The following DPCD variants were observed in gnomAD, a reference collection of about 807,000 sequenced individuals.
The protein encoded by DPCD is protein DPCD.
Under a neutral mutation model 26.4 loss-of-function variants are expected in DPCD, and 20 were observed. The ratio of observed to expected loss-of-function variants is 0.76; its 90% CI spans 0.53 to 1.10. DPCD has a LOEUF of 1.10. Among genes scored for constraint, DPCD ranks in the 50% least tolerant of loss-of-function variants. The probability of loss-of-function intolerance (pLI) is 0.00; values close to 1 mark genes in which losing one functional copy is unlikely to be tolerated. For missense variants in DPCD, 202 were observed against 253.9 expected, an observed-to-expected ratio of 0.80 and a Z score of 1.39; for synonymous variants, 97 against 94.2, an observed-to-expected ratio of 1.03 and a Z score of -0.17.
Position 101,600,803 on chromosome 10 carries a change from C to G in DPCD, c.211C>G (p.Pro71Ala), listed in dbSNP as rs143867323. ...MGQWQLEVGDPAPLGAGNLGP... is the reference protein window; with the variant it reads ...MGQWQLEVGDAAPLGAGNLGP... ...CCAGTGGCAGCTTGAAGTAGGAGACCCAGCGCCCCTAGGAGCAGGGAACCT... is the reference window on the plus strand; with the variant it reads ...CCAGTGGCAGCTTGAAGTAGGAGACGCAGCGCCCCTAGGAGCAGGGAACCT... Residue 71 changes from proline (P) to alanine (A), a missense_variant, in exon 3 of 6, where the codon CCA becomes GCA. Transcript: ENST00000370151. This position sits in a 1 kb window ranked among gnomAD's most constrained non-coding sequence, Gnocchi z 4.7. 807 of 1,613,862 alleles carry G rather than the reference C, an allele frequency of 5.0e-4. 5 individuals carry two copies. In the African/African-American group the frequency reaches 8.9e-3, roughly 18 times the overall value.
intron 5 of DPCD, 34 bp from the exon 6 acceptor site, chr10:101,609,331 ACT>A: frequency 6.2e-7 from 1 of 1,606,120 alleles, no homozygotes; most frequent in Non-Finnish European, 8.5e-7. Flanking sequence ...TGGGACAGTG[ACT>A]GAATTATTTT....
At chr10:101,594,812 CT>C in intron 2 of DPCD, 74 bp downstream of exon 2, 1 of 1,424,402 alleles carries the variant, frequency 7.0e-7, no homozygotes, top group Non-Finnish European at 9.9e-7. Context: ...CACTCCTAGC[CT>C]TAGGCTTGAG....
chr10:101,597,406 C>T (rs539241212), intron 2 of DPCD, among the ~76,000 whole-genome samples: 5 of 152,196 alleles, frequency 3.3e-5, no homozygotes, highest in Non-Finnish European at 7.3e-5. Flanking sequence ...CCAGTTGAAG[C>T]TGCAGGGAAC....
At chr10:101,602,875 G>A (rs2063707637) in intron 4 of DPCD, among the ~76,000 whole-genome samples, 1 of 152,220 alleles carries the variant, frequency 6.6e-6, no homozygotes, top group Non-Finnish European at 1.5e-5. Context: ...TGATTACCAG[G>A]GAGTGAGGAA....
At chr10:101,599,266 A>G (rs765707617) in intron 2 of DPCD, among the ~76,000 whole-genome samples, 2 of 152,204 alleles carry the variant, frequency 1.3e-5, no homozygotes, top group African/African-American at 2.4e-5. Context: ...TGAGTTTGCA[A>G]CTGTGTCAGA....
Position 101,600,548 on chromosome 10 carries a change from T to C in DPCD, c.146-190T>C, listed in dbSNP as rs2063686001. On this transcript the variant is annotated intron_variant, in intron 2 of 5. Transcript: ENST00000370151. The surrounding 1 kb of genome is among the most constrained non-coding windows in gnomAD (Gnocchi z 4.7). Reference sequence around the variant, plus strand: ...GTTGTCTAATGTTGAAATGCTCTACTGAAATTTCAGAAGTTGTGAGGTCCC... The same window carrying C: ...GTTGTCTAATGTTGAAATGCTCTACCGAAATTTCAGAAGTTGTGAGGTCCC... Among the ~76,000 whole-genome samples the C allele has an allele frequency of 6.6e-6, 1 of 152,204 alleles. No individual in the cohort carries two copies. The highest frequency in any genetic ancestry group is 2.1e-4 in the South Asian group (1 of 4,838).
intron 4 of DPCD, chr10:101,605,339 G>A: frequency 7.1e-7 from 1 of 1,400,620 alleles, no homozygotes; most frequent in Non-Finnish European, 9.5e-7. Flanking sequence ...GGATTGGGGA[G>A]GGGATACAGT....
intron 2 of DPCD, among the ~76,000 whole-genome samples, chr10:101,596,282 A>G (rs1442821480): frequency 2.0e-5 from 3 of 152,190 alleles, no homozygotes; most frequent in African/African-American, 7.2e-5. Context: ...AAGTTGACCT[A>G]ATAATGATAT....
At chr10:101,599,422 T>C (rs2063676113) in intron 2 of DPCD, among the ~76,000 whole-genome samples, 1 of 152,262 alleles carries the variant, frequency 6.6e-6, no homozygotes, top group Non-Finnish European at 1.5e-5. Flanking sequence ...AGTTTTACTC[T>C]TCCTTATTAA....
At chr10:101,594,777 T>G in intron 2 of DPCD, 39 bp downstream of exon 2, 1 of 1,590,434 alleles carries the variant, frequency 6.3e-7, no homozygotes, top group Non-Finnish European at 8.6e-7. Flanking sequence ...TTAGTAATAC[T>G]TGGGGCTGAC....
Position 101,609,523 on chromosome 10 carries a change from G to A in DPCD, c.*52G>A. The A allele has an allele frequency of 6.4e-7, 1 of 1,556,658 alleles. No individual in the cohort carries two copies. Among genetic ancestry groups the A allele is most frequent in the East Asian group, 2.3e-5 (1 of 44,292 alleles). On this transcript the variant is annotated 3_prime_UTR_variant, in exon 6 of 6. Transcript: ENST00000370151. ...CACAGGGGGTGCCGTGAGACTTCAA[G>A]GCTTGGCCCTTCTTGACCACGGCAG...
chr10:101,607,734 G>T (rs1023436027), intron 4 of DPCD, among the ~76,000 whole-genome samples: 14 of 152,128 alleles, frequency 9.2e-5, no homozygotes, highest in Non-Finnish European at 1.8e-4. Flanking sequence ...GAGTTTGTTT[G>T]TACCTGCCTG....
chr10:101,597,225 C>G (rs2063659738), intron 2 of DPCD, among the ~76,000 whole-genome samples: 1 of 152,208 alleles, frequency 6.6e-6, no homozygotes, highest in Admixed American at 6.5e-5. Context: ...GCCTAACCAC[C>G]CCAGGCTGCA....
intron 1 of DPCD, among the ~76,000 whole-genome samples, chr10:101,590,063 GAAA>G (rs34473619): frequency 5.1e-5 from 6 of 117,272 alleles, no homozygotes; most frequent in Non-Finnish European, 7.1e-5. Context: ...AAAAAAACTG[GAAA>G]AAAAAAAAAA....
Position 101,600,826 on chromosome 10 carries a change from C to T in DPCD, c.234C>T (p.Asn78=), listed in dbSNP as rs1011956971. The T allele has an allele frequency of 6.8e-6, 11 of 1,613,858 alleles. No homozygotes were observed. Among genetic ancestry groups the T allele is most frequent in the African/African-American group, 1.3e-5 (1 of 74,882 alleles). ...VGDPAPLGAG[N]LGPELIKESN... ...ACCCAGCGCCCCTAGGAGCAGGGAA[C>T]CTGGGGCCTGAACTCATCAAGGAAA... is the stretch of plus-strand genomic sequence containing the variant. The change falls in exon 3 of 6, where the codon AAC becomes AAT. Residue 78 remains asparagine (N), a synonymous_variant. Transcript: ENST00000370151. The surrounding 1 kb of genome is among the most constrained non-coding windows in gnomAD (Gnocchi z 4.7).
At chr10:101,605,157 T>C (rs2063725022) in intron 4 of DPCD, 2 of 1,550,418 alleles carry the variant, frequency 1.3e-6, no homozygotes. Context: ...GGTTGGAGGC[T>C]TCTCTGGACC....
At chr10:101,590,582 CTTT>C (rs763711189) in intron 1 of DPCD, among the ~76,000 whole-genome samples, 17 of 121,526 alleles carry the variant, frequency 1.4e-4, no homozygotes, top group South Asian at 2.7e-4. Flanking sequence ...AACGGAAATT[CTTT>C]TTTTTTTTTT....
intron 1 of DPCD, 30 bp downstream of exon 1, chr10:101,588,430 GT>G (rs908068023): frequency 1.3e-6 from 2 of 1,569,352 alleles, no homozygotes; most frequent in African/African-American, 1.3e-5. Context: ...GGGCTCCTTC[GT>G]TTTTTTCCCT....
At position 101,600,500 on chromosome 10, in the gene DPCD, C is replaced by T. The variant is rs1012337326; in HGVS notation, c.146-238C>T. 6.6e-6 allele frequency among the ~76,000 whole-genome samples: 1 copy of T among 152,154 alleles called. No individual in the cohort carries two copies. Among genetic ancestry groups the T allele is most frequent in the Non-Finnish European group, 1.5e-5 (1 of 68,032 alleles). On this transcript the variant is annotated intron_variant, in intron 2 of 5. Coordinates refer to ENST00000370151, the MANE Select transcript of DPCD (RefSeq NM_015448.3). The surrounding 1 kb of genome is among the most constrained non-coding windows in gnomAD (Gnocchi z 4.7). ...TTCATTCCAGTTCCTTTTGCCTGAGCACCCATGAGATGCGCTTTGAGGGTT... is the reference window on the plus strand; with the variant it reads ...TTCATTCCAGTTCCTTTTGCCTGAGTACCCATGAGATGCGCTTTGAGGGTT...
Sources: allele counts gnomAD v4.1 joint callset (sites outside exome capture counted in the v4.1 genomes callset), GRCh38; gene constraint gnomAD v4.1.1; non-coding constraint Gnocchi (gnomAD v3.1); transcripts MANE v1.5; gene names NCBI Gene and HGNC (gene_info 2026-07-23, HGNC 2026-07-21).